The following GLIS3 variants were observed in gnomAD, a reference collection of about 807,000 sequenced individuals.
GLIS3 encodes GLIS family zinc finger 3.
A neutral mutation model predicts 78.6 loss-of-function variants in GLIS3; 53 were observed. The observed-to-expected ratio is 0.67, with a 90% CI of 0.54 to 0.85. The LOEUF (loss-of-function observed/expected upper bound fraction) is 0.85. GLIS3 is among the 40% of genes least tolerant of loss of function. The probability of loss-of-function intolerance (pLI) is 0.00; values close to 1 mark genes in which losing one functional copy is unlikely to be tolerated. For synonymous variants in GLIS3, 684 were observed against 509.9 expected (o/e 1.34, Z -4.60); for missense variants, 1,703 against 1,231.1 (o/e 1.38, Z -5.74).
At chr9:4,416,967 C>G in the GLIS3 span, among the ~76,000 whole-genome samples, 4 of 152,064 alleles carry the variant, frequency 2.6e-5, no homozygotes, top group African/African-American at 7.2e-5. Context: ...ACCCCATTTA[C>G]GCTGACTGTG....
At chr9:4,124,735 G>A (rs545732016) in intron 3 of GLIS3, among the ~76,000 whole-genome samples, 1 of 152,260 alleles carries the variant, frequency 6.6e-6, no homozygotes, top group Admixed American at 6.5e-5. Flanking sequence ...AGGATTAGGA[G>A]GAAGGAAAGG....
At chr9:4,434,115 A>G in the GLIS3 span, among the ~76,000 whole-genome samples, 1 of 151,532 alleles carries the variant, frequency 6.6e-6, no homozygotes, top group Non-Finnish European at 1.5e-5. Flanking sequence ...AAAAAAAAGA[A>G]TGGTCTACCT....
intron 2 of GLIS3, among the ~76,000 whole-genome samples, chr9:4,216,578 G>T (rs993223198): frequency 4.6e-5 from 7 of 152,082 alleles, no homozygotes; most frequent in African/African-American, 1.4e-4. Context: ...CCCAGCCAGG[G>T]TTCTGAAGGA....
rs1332188347 is a variant in GLIS3, at chr9:3,826,269, C to G, written c.*2003G>C. ...GAATAGATGGTTTCTCTGAAGATAG[C>G]AGAGTTTTTTTCTTTCCAGAGTATG... On this transcript the variant is annotated 3_prime_UTR_variant, in exon 11 of 11. Transcript: ENST00000381971. 2.0e-5 allele frequency: 3 copies of G among 152,150 alleles called. No homozygotes were observed. 9.4% of individuals were successfully genotyped at this position (152,150 alleles called of 1,614,324 possible). A position where few individuals can be genotyped will look rare whatever the true frequency, so the allele number is the denominator to read the frequency against.
chr9:3,902,436 T>A (rs898648873), intron 6 of GLIS3, among the ~76,000 whole-genome samples: 5 of 152,228 alleles, frequency 3.3e-5, no homozygotes, highest in African/African-American at 1.2e-4. Flanking sequence ...TGTCTTTCAA[T>A]GTAACATAGT....
At chr9:4,423,201 G>C in the GLIS3 span, among the ~76,000 whole-genome samples, 3 of 152,186 alleles carry the variant, frequency 2.0e-5, no homozygotes, top group African/African-American at 4.8e-5. Flanking sequence ...GATTATCAGA[G>C]AACCTCCTCA....
intron 4 of GLIS3, among the ~76,000 whole-genome samples, chr9:4,070,492 ATGTGCGTAAGTATTTGTGTGTGTGTGCG>A (rs1322099237): frequency 1.4e-3 from 213 of 151,968 alleles, no homozygotes; most frequent in African/African-American, 4.1e-3. Flanking sequence ...GTGTGTGTGC[ATGTGCGTAAGTATTTGTGTGTGTGTGCG>A]TGTGCGTAAG....
At chr9:4,357,574 T>A in the GLIS3 span, among the ~76,000 whole-genome samples, 1 of 151,896 alleles carries the variant, frequency 6.6e-6, no homozygotes, top group Non-Finnish European at 1.5e-5. Flanking sequence ...TGTGTGTGTG[T>A]GTGTGTGTGT....
chr9:4,237,198 G>A (rs1278187563), intron 2 of GLIS3, among the ~76,000 whole-genome samples: 1 of 139,392 alleles, frequency 7.2e-6, no homozygotes, highest in African/African-American at 2.5e-5. Context: ...AGGTTATTTA[G>A]AATACAGAAA....
the GLIS3 span, among the ~76,000 whole-genome samples, chr9:4,409,960 G>C: frequency 2.0e-5 from 3 of 152,044 alleles, no homozygotes; most frequent in Non-Finnish European, 2.9e-5. Context: ...TTAAAAACTA[G>C]GTTTTGGGAG....
chr9:4,263,298 G>T (rs538295512), intron 2 of GLIS3, among the ~76,000 whole-genome samples: 15 of 152,118 alleles, frequency 9.9e-5, no homozygotes, highest in Non-Finnish European at 7.4e-5. Flanking sequence ...TTTTAAAAAC[G>T]ACTTCACTCT....
At chr9:4,239,825 C>T (rs1243207961) in intron 2 of GLIS3, among the ~76,000 whole-genome samples, 1 of 152,176 alleles carries the variant, frequency 6.6e-6, no homozygotes, top group Admixed American at 6.5e-5. Flanking sequence ...TGATTTGTAT[C>T]ATCTACCACG....
chr9:4,312,301 C>T (rs1319267951), intron 2 of GLIS3, among the ~76,000 whole-genome samples: 2 of 152,158 alleles, frequency 1.3e-5, no homozygotes, highest in African/African-American at 4.8e-5. Flanking sequence ...AACCCCATCT[C>T]TACTAAAAAT....
At chr9:4,371,376 C>T in the GLIS3 span, among the ~76,000 whole-genome samples, 1 of 152,232 alleles carries the variant, frequency 6.6e-6, no homozygotes, top group African/African-American at 2.4e-5. Context: ...GATATGACCT[C>T]AGTCGTCCTA....
intron 4 of GLIS3, among the ~76,000 whole-genome samples, chr9:3,974,263 T>C (rs1818604565): frequency 6.6e-6 from 1 of 152,080 alleles, no homozygotes; most frequent in South Asian, 2.1e-4. Flanking sequence ...AATCAACAAA[T>C]TCAGTGAATA....
At chr9:3,908,924 G>A (rs540845015) in intron 6 of GLIS3, among the ~76,000 whole-genome samples, 1 of 152,152 alleles carries the variant, frequency 6.6e-6, no homozygotes, top group Admixed American at 6.5e-5. Context: ...AGGAGCAAAG[G>A]CATTCTGTTA....
At chr9:4,323,643 T>G (rs1817566777) in intron 2 of GLIS3, among the ~76,000 whole-genome samples, 1 of 152,202 alleles carries the variant, frequency 6.6e-6, no homozygotes. Context: ...CCCTTATTTA[T>G]TATAGACCTT....
intron 2 of GLIS3, among the ~76,000 whole-genome samples, chr9:4,273,456 G>T (rs919039154): frequency 1.3e-5 from 2 of 152,098 alleles, no homozygotes; most frequent in Non-Finnish European, 2.9e-5. Context: ...AGCTGGGCAT[G>T]GTAGCTAATG....
At chr9:4,412,739 A>G in the GLIS3 span, among the ~76,000 whole-genome samples, 10 of 152,132 alleles carry the variant, frequency 6.6e-5, no homozygotes, top group African/African-American at 2.4e-4. Flanking sequence ...ACTCCCTTCC[A>G]GTTAAATTTA....
Sources: allele counts gnomAD v4.1 joint callset (sites outside exome capture counted in the v4.1 genomes callset), GRCh38; gene constraint gnomAD v4.1.1; transcripts MANE v1.5; gene names NCBI Gene and HGNC (gene_info 2026-07-23, HGNC 2026-07-21).